The following PACC1 variants were observed in gnomAD, a reference collection of about 807,000 sequenced individuals.
PACC1 encodes the protein proton activated chloride channel 1.
A neutral mutation model predicts 39.7 loss-of-function variants in PACC1; 34 were observed. That is an observed-to-expected ratio of 0.86 (90% confidence interval 0.65 to 1.14). PACC1 has a LOEUF of 1.14. PACC1 is among the 50% of genes most tolerant of loss of function. PACC1 has a pLI of 0.00. For synonymous variants in PACC1, 127 were observed against 160.6 expected (o/e 0.79, Z 1.58); for missense variants, 379 against 436.4 (o/e 0.87, Z 1.17).
chr1:212,385,874 T>C (rs1261487493), intron 3 of PACC1, among the ~76,000 whole-genome samples: 1 of 152,076 alleles, frequency 6.6e-6, no homozygotes, highest in African/African-American at 2.4e-5. Flanking sequence ...CAAGAGTCCC[T>C]CCCTCTTCCC....
At position 212,365,034 on chromosome 1, in the gene PACC1, A is replaced by G. The variant is rs1660179466; in HGVS notation, c.*181T>C. On this transcript the variant is annotated 3_prime_UTR_variant, in exon 8 of 8. Coordinates refer to ENST00000261455, the MANE Select transcript of PACC1 (RefSeq NM_018252.3). ...GTAGGTTTATCCATTAGTCTCTTCTATTAGGCTCTACACCGCCTCTTTTGG... is the reference window on the plus strand; with the variant it reads ...GTAGGTTTATCCATTAGTCTCTTCTGTTAGGCTCTACACCGCCTCTTTTGG... 2 of 460,214 alleles carry G rather than the reference A, an allele frequency of 4.3e-6. No individual in the cohort carries two copies. Among genetic ancestry groups the G allele is most frequent in the Admixed American group, 4.0e-5 (1 of 25,222 alleles). The allele number at this position is 460,214 out of a possible 1,614,324, so 28.5% of individuals were successfully genotyped here.
chr1:212,381,774 C>CAGTG (rs145254257), intron 4 of PACC1, among the ~76,000 whole-genome samples: 1 of 128,766 alleles, frequency 7.8e-6, no homozygotes, highest in Admixed American at 7.2e-5. Flanking sequence ...CACAGTGACA[C>CAGTG]ACACACACAC....
intron 2 of PACC1, among the ~76,000 whole-genome samples, chr1:212,401,434 T>C (rs2102529089): frequency 6.6e-6 from 1 of 152,148 alleles, no homozygotes; most frequent in South Asian, 2.1e-4. Flanking sequence ...GAGAACAGCC[T>C]GGCCAACATG....
At chr1:212,403,562 T>C (rs1477872219) in intron 2 of PACC1, among the ~76,000 whole-genome samples, 1 of 152,114 alleles carries the variant, frequency 6.6e-6, no homozygotes, top group East Asian at 1.9e-4. Flanking sequence ...CAACAACAAA[T>C]AGGTTTTTTT....
chr1:212,402,863 A>C (rs1479169826), intron 2 of PACC1, among the ~76,000 whole-genome samples: 1 of 152,202 alleles, frequency 6.6e-6, no homozygotes, highest in Admixed American at 6.5e-5. Context: ...TATGTTGGTC[A>C]GGCTGGTCTC....
chr1:212,379,166 A>C (rs1168138432), intron 5 of PACC1, among the ~76,000 whole-genome samples: 1 of 152,020 alleles, frequency 6.6e-6, no homozygotes, highest in African/African-American at 2.4e-5. Flanking sequence ...GATGGTCTCG[A>C]TCTCCTGACC....
intron 7 of PACC1, among the ~76,000 whole-genome samples, chr1:212,373,224 T>C (rs1214801811): frequency 6.6e-6 from 1 of 152,202 alleles, no homozygotes; most frequent in Non-Finnish European, 1.5e-5. Flanking sequence ...GAACTCATTT[T>C]TGACAAAGGC....
intron 4 of PACC1, among the ~76,000 whole-genome samples, chr1:212,382,918 TC>T (rs1035887313): frequency 7.2e-5 from 11 of 152,196 alleles, no homozygotes; most frequent in African/African-American, 2.7e-4. Context: ...GGAGCTTACT[TC>T]ATGCCAAGAA....
At chr1:212,406,062 C>T (rs1571679854) in intron 2 of PACC1, among the ~76,000 whole-genome samples, 1 of 142,834 alleles carries the variant, frequency 7.0e-6, no homozygotes, top group South Asian at 2.2e-4. Context: ...CATGATCACA[C>T]CACTGTACTG....
At chr1:212,399,811 TG>T (rs1235236416) in intron 2 of PACC1, among the ~76,000 whole-genome samples, 1 of 152,184 alleles carries the variant, frequency 6.6e-6, no homozygotes, top group Non-Finnish European at 1.5e-5. Context: ...CCTAAAATGC[TG>T]GGATTACAGG....
chr1:212,401,283 C>A (rs1361176823), intron 2 of PACC1, among the ~76,000 whole-genome samples: 2 of 152,104 alleles, frequency 1.3e-5, no homozygotes. Flanking sequence ...CTGAACATTT[C>A]ACATAAAGGG....
chr1:212,401,984 T>G (rs551905003), intron 2 of PACC1, among the ~76,000 whole-genome samples: 1 of 152,302 alleles, frequency 6.6e-6, no homozygotes, highest in African/African-American at 2.4e-5. Flanking sequence ...CAGTTCCTCA[T>G]TCTTTTATTG....
intron 2 of PACC1, among the ~76,000 whole-genome samples, chr1:212,406,613 T>C (rs1286578563): frequency 6.6e-6 from 1 of 152,148 alleles, no homozygotes; most frequent in Non-Finnish European, 1.5e-5. Context: ...CCAAATGGAC[T>C]CCTGAGATCT....
chr1:212,385,202 G>T, intron 4 of PACC1, 72 bp downstream of exon 4: 2 of 1,582,280 alleles, frequency 1.3e-6, no homozygotes, highest in Non-Finnish European at 1.7e-6. Flanking sequence ...TAGGAAAAAG[G>T]AAACTTGGGG....
At chr1:212,406,105 C>CAAAAAAAAA (rs58332482) in intron 2 of PACC1, among the ~76,000 whole-genome samples, 5 of 55,648 alleles carry the variant, frequency 9.0e-5, no homozygotes, top group South Asian at 8.4e-4. Flanking sequence ...TCCCACCCCA[C>CAAAAAAAAA]AAAAAAAAAA....
chr1:212,379,779 T>G, intron 5 of PACC1, 116 bp downstream of exon 5: 6 of 1,324,832 alleles, frequency 4.5e-6, no homozygotes, highest in Non-Finnish European at 6.3e-6. Flanking sequence ...GTGGGTCATC[T>G]GAGAATGCCC....
chr1:212,414,505 T>C (rs934662007), intron 1 of PACC1, among the ~76,000 whole-genome samples: 1 of 152,084 alleles, frequency 6.6e-6, no homozygotes, highest in Non-Finnish European at 1.5e-5. Context: ...ACCCGCAGCA[T>C]ACGGAGAACG....
At chr1:212,404,341 C>T (rs1280101196) in intron 2 of PACC1, among the ~76,000 whole-genome samples, 3 of 150,546 alleles carry the variant, frequency 2.0e-5, no homozygotes, top group South Asian at 4.2e-4. Context: ...CTCCTGACCT[C>T]GTGATCCACC....
Position 212,380,000 on chromosome 1 carries a change from T to C in PACC1, c.533A>G (p.Lys178Arg). 6.2e-7 allele frequency: 1 copy of C among 1,614,196 alleles called. No individual in the cohort carries two copies. The highest frequency in any genetic ancestry group is 8.5e-7 in the Non-Finnish European group (1 of 1,180,034). ...ALIVQGPREV[K>R]KRELVFLQFR... ...CTGGAGGAAGACCAGCTCCCGCTTT[T>C]TCACTTCCCGGGGCCCCTGGACAAT... The change falls in exon 5 of 8, where the codon AAA becomes AGA. Residue 178 changes from lysine to arginine, a missense_variant. Transcript: ENST00000261455.
Sources: allele counts gnomAD v4.1 joint callset (sites outside exome capture counted in the v4.1 genomes callset), GRCh38; gene constraint gnomAD v4.1.1; transcripts MANE v1.5; gene names NCBI Gene and HGNC (gene_info 2026-07-23, HGNC 2026-07-21).